SHANK2: variants seen among roughly 807,000 people sequenced by gnomAD.
SHANK2 encodes SH3 and multiple ankyrin repeat domains 2, also known as SH3 and multiple ankyrin repeat domains protein 2.
Under a neutral mutation model 133.7 loss-of-function variants are expected in SHANK2, and 43 were observed. The ratio of observed to expected loss-of-function variants is 0.32; its 90% CI spans 0.25 to 0.41. The LOEUF is 0.41. Ranked by LOEUF, SHANK2 falls within the 10% of genes least tolerant of loss-of-function variation. SHANK2 has a pLI of 1.00. For missense variants in SHANK2, 1,994 were observed against 2,235.8 expected, an observed-to-expected ratio of 0.89 and a Z score of 2.18; for synonymous variants, 1,017 against 952.8, an observed-to-expected ratio of 1.07 and a Z score of -1.24.
rs1026981977 is a variant in SHANK2, at chr11:71,061,866, C to A, written c.1030-5308G>T. ...CGACCTAGCCCTTCCCCCGCTCTGC[C>A]CCAGCTGCAGGACTTGCCCTGTGTC... On this transcript the variant is annotated intron_variant, in intron 9 of 25. Transcript: ENST00000601538. 7.2e-5 allele frequency among the ~76,000 whole-genome samples: 11 copies of A among 152,126 alleles called. 1 individual carries two copies. The highest frequency in any genetic ancestry group is 3.3e-4 in the Admixed American group (5 of 15,272).
chr11:70,701,676 T>G (rs1381246278), intron 14 of SHANK2, among the ~76,000 whole-genome samples: 2 of 152,142 alleles, frequency 1.3e-5, no homozygotes, highest in African/African-American at 4.8e-5. Flanking sequence ...AGTGCTGGGA[T>G]TACAGGTGTG....
intron 14 of SHANK2, among the ~76,000 whole-genome samples, chr11:70,729,245 C>G (rs1435658265): frequency 6.6e-6 from 1 of 151,220 alleles, no homozygotes; most frequent in Admixed American, 6.6e-5. Flanking sequence ...TACTGATACA[C>G]GTGGCAACAC....
At chr11:70,803,278 T>G (rs1057146418) in intron 13 of SHANK2, among the ~76,000 whole-genome samples, 14 of 24,398 alleles carry the variant, frequency 5.7e-4, no homozygotes, top group South Asian at 2.6e-3. Flanking sequence ...CCTATCAAAC[T>G]CAACCGCACA....
intron 11 of SHANK2, among the ~76,000 whole-genome samples, chr11:70,883,329 T>C (rs1338160615): frequency 6.6e-6 from 1 of 152,162 alleles, no homozygotes; most frequent in African/African-American, 2.4e-5. Flanking sequence ...CATTGGGATT[T>C]AGCACCCCCT....
chr11:70,759,923 G>C lies in SHANK2; in HGVS notation c.1777+38520C>G, dbSNP rs546923501. 2.6e-5 allele frequency among the ~76,000 whole-genome samples: 4 copies of C among 152,306 alleles called. No individual in the cohort carries two copies. In the East Asian group the frequency reaches 7.7e-4, roughly 29 times the overall value. On this transcript the variant is annotated intron_variant, in intron 14 of 25. Coordinates refer to ENST00000601538, the MANE Select transcript of SHANK2 (RefSeq NM_012309.5). Reference sequence around the variant, plus strand: ...TAAGAAACCACTGGCCAAAGACTGAGGCATGGGACGGATTCTACCTCGGAG... The same window carrying C: ...TAAGAAACCACTGGCCAAAGACTGACGCATGGGACGGATTCTACCTCGGAG...
intron 11 of SHANK2, among the ~76,000 whole-genome samples, chr11:70,894,363 T>C (rs1555075279): frequency 6.6e-6 from 1 of 152,116 alleles, no homozygotes; most frequent in African/African-American, 2.4e-5. Flanking sequence ...AATTTTTGTA[T>C]TTTTAGTAGA....
At chr11:70,801,650 C>T (rs1948049572) in intron 13 of SHANK2, among the ~76,000 whole-genome samples, 1 of 152,192 alleles carries the variant, frequency 6.6e-6, no homozygotes, top group African/African-American at 2.4e-5. Context: ...AAGTCCCCAT[C>T]CACCCAGCAG....
At chr11:71,085,850 ATATTGTTATTTT>A (rs1951392212) in intron 8 of SHANK2, among the ~76,000 whole-genome samples, 2 of 712 alleles carry the variant, frequency 2.8e-3, no homozygotes, top group Non-Finnish European at 4.4e-3. Flanking sequence ...ACAATAATAT[ATATTGTTATTTT>A]AATATATTAT....
At position 71,170,075 on chromosome 11, in the gene SHANK2, A is replaced by T. The variant is rs552036532; in HGVS notation, c.-12-22737T>A. Among the ~76,000 whole-genome samples the T allele has an allele frequency of 8.7e-4, 132 of 152,310 alleles. 1 individual carries two copies. Among genetic ancestry groups the T allele is most frequent in the African/African-American group, 3.1e-3 (129 of 41,556 alleles). ...ACTTGTATTTTGCCTTTGAGCAGTT[A>T]ATTTGGAATATTTTAGCAGATATCA... On this transcript the variant is annotated intron_variant, in intron 2 of 25. Coordinates refer to ENST00000601538, the MANE Select transcript of SHANK2 (RefSeq NM_012309.5).
chr11:71,094,106 G>A (rs1951564663), intron 7 of SHANK2, among the ~76,000 whole-genome samples: 2 of 152,032 alleles, frequency 1.3e-5, no homozygotes, highest in South Asian at 4.2e-4. Context: ...AATTCGAATT[G>A]TAACCCCCAG....
intron 11 of SHANK2, among the ~76,000 whole-genome samples, chr11:70,821,204 G>A (rs1948514179): frequency 6.6e-6 from 1 of 152,190 alleles, no homozygotes; most frequent in Non-Finnish European, 1.5e-5. Context: ...TCTGGGTGGA[G>A]GGCCATTAGT....
intron 17 of SHANK2, among the ~76,000 whole-genome samples, chr11:70,641,922 C>T (rs2061189356): frequency 6.6e-6 from 1 of 152,198 alleles, no homozygotes; most frequent in Non-Finnish European, 1.5e-5. Context: ...CACAAAAGGG[C>T]CAATCTCTCT....
intron 9 of SHANK2, among the ~76,000 whole-genome samples, chr11:71,065,829 G>T (rs1951047554): frequency 3.5e-5 from 4 of 112,868 alleles, no homozygotes; most frequent in Admixed American, 8.6e-5. Context: ...GGAAGTTGGG[G>T]GCGGGGCATA....
chr11:70,836,321 T>A (rs78441297), intron 11 of SHANK2, among the ~76,000 whole-genome samples: 4,982 of 152,302 alleles, frequency 0.033, 98 homozygotes, highest in Non-Finnish European at 0.05. Flanking sequence ...CAGTGCCCGC[T>A]TCCACCCTTG....
At chr11:71,217,636 T>C (rs1266578096) in intron 2 of SHANK2, among the ~76,000 whole-genome samples, 2 of 152,158 alleles carry the variant, frequency 1.3e-5, no homozygotes, top group African/African-American at 4.8e-5. Flanking sequence ...TGGGACGAGA[T>C]GCAGAGGTGA....
intron 2 of SHANK2, among the ~76,000 whole-genome samples, chr11:71,177,976 A>G (rs1424946995): frequency 6.6e-6 from 1 of 152,244 alleles, no homozygotes; most frequent in Non-Finnish European, 1.5e-5. Context: ...ATGCACTGCT[A>G]GTAGAAATGT....
chr11:71,236,245 G>C (rs1352764794), intron 1 of SHANK2, among the ~76,000 whole-genome samples: 1 of 152,164 alleles, frequency 6.6e-6, no homozygotes, highest in East Asian at 1.9e-4. Flanking sequence ...AATTATTCAG[G>C]AACAAAATTT....
chr11:71,119,829 C>T (rs1460091163), intron 3 of SHANK2, among the ~76,000 whole-genome samples: 19 of 152,166 alleles, frequency 1.2e-4, no homozygotes, highest in African/African-American at 2.7e-4. Flanking sequence ...GGGGAACACA[C>T]ATTCAGAGCC....
chr11:70,758,739 C>T (rs1169036413), intron 14 of SHANK2, among the ~76,000 whole-genome samples: 1 of 152,236 alleles, frequency 6.6e-6, no homozygotes, highest in African/African-American at 2.4e-5. Context: ...GCTGCTGGCA[C>T]CCCTCAGCAG....
Sources: allele counts gnomAD v4.1 joint callset (sites outside exome capture counted in the v4.1 genomes callset), GRCh38; gene constraint gnomAD v4.1.1; transcripts MANE v1.5; gene names NCBI Gene and HGNC (gene_info 2026-07-23, HGNC 2026-07-21).